The following EPHA3 variants were observed in gnomAD, a reference collection of about 807,000 sequenced individuals.
EPHA3 encodes the protein EPH receptor A3, also known as ephrin type-A receptor 3.
A neutral mutation model predicts 107.1 loss-of-function variants in EPHA3; 42 were observed. The ratio of observed to expected loss-of-function variants is 0.39; its 90% CI spans 0.31 to 0.51. The LOEUF (loss-of-function observed/expected upper bound fraction) is 0.51, where lower values mean the gene tolerates loss of function less well. Among genes scored for constraint, EPHA3 ranks in the 20% least tolerant of loss-of-function variants. The pLI, the probability that EPHA3 is intolerant of heterozygous loss-of-function variation, is 0.78. For missense variants in EPHA3, 1,183 were observed against 1,211.2 expected (o/e 0.98, Z 0.35); for synonymous variants, 461 against 424.8 (o/e 1.09, Z -1.05).
In EPHA3 at chr3:89,345,013, T is replaced by A. The variant is rs181736156; in HGVS notation, c.1306+2923T>A. 2.5e-3 allele frequency among the ~76,000 whole-genome samples: 384 copies of A among 151,452 alleles called. 21 individuals carry two copies. Among genetic ancestry groups the A allele is most frequent in the Non-Finnish European group, 3.7e-3 (250 of 67,564 alleles). On this transcript the variant is annotated intron_variant, in intron 5 of 16. Transcript: ENST00000336596. ...TACAAAACAAAAATCTTCAAACTTA[T>A]AACGACATAAATTGCTGCTTTTTGT...
At chr3:89,127,553 CT>C (rs1014490396) in intron 2 of EPHA3, among the ~76,000 whole-genome samples, 10 of 151,918 alleles carry the variant, frequency 6.6e-5, no homozygotes, top group African/African-American at 1.4e-4. Flanking sequence ...CTAAGAGTGA[CT>C]TTTTTTGATG....
chr3:89,340,436 G>C (rs1380142492), intron 3 of EPHA3, among the ~76,000 whole-genome samples: 1 of 152,166 alleles, frequency 6.6e-6, no homozygotes, highest in African/African-American at 2.4e-5. Context: ...AAAAATATAC[G>C]TGAAGCCATG....
rs577912550 is a variant in EPHA3 at position 89,408,189 on chromosome 3, T to A, written c.1762+58T>A. 4.6e-6 allele frequency: 7 copies of A among 1,537,180 alleles called. No individual in the cohort carries two copies. In the South Asian group the frequency reaches 8.0e-5, roughly 18 times the overall value. On this transcript the variant is annotated intron_variant, in intron 9 of 16. Transcript: ENST00000336596. ...TCACCGTTTTAGCTTTAGCAGTTAT[T>A]GATTTACAATTGGTTAACTTCCTCC...
intron 3 of EPHA3, among the ~76,000 whole-genome samples, chr3:89,302,018 C>A (rs1316561462): frequency 6.6e-6 from 1 of 152,086 alleles, no homozygotes; most frequent in Non-Finnish European, 1.5e-5. Flanking sequence ...GTTATAAATT[C>A]TTCATACCAC....
At chr3:89,437,967 G>C (rs995525864) in intron 13 of EPHA3, among the ~76,000 whole-genome samples, 4 of 151,940 alleles carry the variant, frequency 2.6e-5, no homozygotes, top group African/African-American at 9.7e-5. Flanking sequence ...TACTTAGTAA[G>C]TACTAACTAG....
chr3:89,221,782 A>C (rs1704382902), intron 3 of EPHA3, among the ~76,000 whole-genome samples: 1 of 152,156 alleles, frequency 6.6e-6, no homozygotes, highest in African/African-American at 2.4e-5. Flanking sequence ...CTGACTCTGA[A>C]ACCTGATGCT....
chr3:89,449,387 G>A lies in EPHA3; in HGVS notation c.2496+13G>A, dbSNP rs2107553789. On this transcript the variant is annotated intron_variant, in intron 14 of 16. Coordinates refer to ENST00000336596, the MANE Select transcript of EPHA3 (RefSeq NM_005233.6). ...GTCCAATCAGGATGTAAGTATTTGT[G>A]GTCTATGAGTTATGAGTTCAGATGA... The A allele has an allele frequency of 6.4e-7, 1 of 1,568,702 alleles. No individual in the cohort carries two copies. The highest frequency in any genetic ancestry group is 8.7e-7 in the Non-Finnish European group (1 of 1,149,600).
rs1243237072 is a variant in EPHA3, at chr3:89,247,455, A to G, written c.814+36935A>G. Among the ~76,000 whole-genome samples, 3 of 152,216 alleles carry G rather than the reference A, an allele frequency of 2.0e-5. No homozygotes were observed. The East Asian group carries it at 5.8e-4, about 29-fold the overall frequency. ...TGAAACATAAATTGTGAGGGATTCA[A>G]GAACAGAAAATGTTATCTGGAGCTT... On this transcript the variant is annotated intron_variant, in intron 3 of 16. Coordinates refer to ENST00000336596, the MANE Select transcript of EPHA3 (RefSeq NM_005233.6).
rs7637248 is a variant in EPHA3 at position 89,226,978 on chromosome 3, A to G, written c.814+16458A>G. On this transcript the variant is annotated intron_variant, in intron 3 of 16. Coordinates refer to ENST00000336596, the MANE Select transcript of EPHA3 (RefSeq NM_005233.6). The stretch of plus-strand genomic sequence containing the variant: ...TGTGTCTATGAATAGGTAGGAAATC[A>G]GAAGACATTTTGAGGCAGACAGAGA... Among the ~76,000 whole-genome samples the G allele has an allele frequency of 4.5e-3, 682 of 152,164 alleles. 4 individuals are homozygous for G. The highest frequency in any genetic ancestry group is 0.012 in the African/African-American group (504 of 41,548).
At chr3:89,248,860 T>C (rs1209477292) in intron 3 of EPHA3, among the ~76,000 whole-genome samples, 2 of 152,186 alleles carry the variant, frequency 1.3e-5, no homozygotes, top group Non-Finnish European at 2.9e-5. Flanking sequence ...TGAAAAACCA[T>C]GTGCACAGGT....
intron 9 of EPHA3, among the ~76,000 whole-genome samples, chr3:89,410,170 GT>G (rs983859657): frequency 6.6e-6 from 1 of 151,694 alleles, no homozygotes; most frequent in South Asian, 2.1e-4. Context: ...GTTTATGTTT[GT>G]TTTTTTCCCC....
chr3:89,434,106 T>G (rs1462730632), intron 13 of EPHA3, among the ~76,000 whole-genome samples: 2 of 152,150 alleles, frequency 1.3e-5, no homozygotes, highest in African/African-American at 4.8e-5. Context: ...GCCAGAAAAA[T>G]ACTTTTAGGT....
intron 3 of EPHA3, among the ~76,000 whole-genome samples, chr3:89,326,612 A>G (rs1191260108): frequency 6.6e-6 from 1 of 151,658 alleles, no homozygotes; most frequent in East Asian, 1.9e-4. Context: ...CTGGTCTGGA[A>G]CTCCAGAGCT....
intron 16 of EPHA3, among the ~76,000 whole-genome samples, chr3:89,478,432 T>C (rs1017191758): frequency 7.9e-5 from 12 of 152,140 alleles, no homozygotes; most frequent in Non-Finnish European, 1.3e-4. Context: ...CTGAGGTTGA[T>C]GTTGACAGAA....
At chr3:89,418,634 T>C (rs892462610) in intron 10 of EPHA3, among the ~76,000 whole-genome samples, 1 of 151,410 alleles carries the variant, frequency 6.6e-6, no homozygotes, top group African/African-American at 2.4e-5. Flanking sequence ...TTTGATACTG[T>C]TATATTGTTG....
chr3:89,333,683 A>G (rs572456224), intron 3 of EPHA3, among the ~76,000 whole-genome samples: 2 of 152,036 alleles, frequency 1.3e-5, no homozygotes, highest in South Asian at 4.1e-4. Flanking sequence ...GACCAGCCTG[A>G]CCAGTATGGT....
Position 89,350,505 on chromosome 3 carries a change from G to C in EPHA3, c.1306+8415G>C, listed in dbSNP as rs931076578. On this transcript the variant is annotated intron_variant, in intron 5 of 16. Coordinates refer to ENST00000336596, the MANE Select transcript of EPHA3 (RefSeq NM_005233.6). The stretch of plus-strand genomic sequence containing the variant: ...GCACTTCTCTGTATTGGTTATTCTA[G>C]TTATACATTCTTCTAAATTTTTTTC... Among the ~76,000 whole-genome samples the C allele has an allele frequency of 1.0e-4, 15 of 150,582 alleles. 1 individual carries two copies. Among genetic ancestry groups the C allele is most frequent in the Admixed American group, 8.7e-4 (13 of 15,026 alleles).
intron 3 of EPHA3, among the ~76,000 whole-genome samples, chr3:89,212,049 A>G (rs771869360): frequency 6.6e-6 from 1 of 151,956 alleles, no homozygotes. Flanking sequence ...TTGGTGAAAT[A>G]GAAATGCATA....
chr3:89,334,665 G>T (rs368070752), intron 3 of EPHA3, among the ~76,000 whole-genome samples: 11 of 152,150 alleles, frequency 7.2e-5, no homozygotes, highest in African/African-American at 2.7e-4. Flanking sequence ...TGCACAAAAT[G>T]AATAGGAAAT....
Sources: allele counts gnomAD v4.1 joint callset (sites outside exome capture counted in the v4.1 genomes callset), GRCh38; gene constraint gnomAD v4.1.1; transcripts MANE v1.5; gene names NCBI Gene and HGNC (gene_info 2026-07-23, HGNC 2026-07-21).